The following CCDC192 variants were observed in gnomAD, a reference collection of about 807,000 sequenced individuals.
CCDC192 encodes coiled-coil domain-containing protein 192.
At chr5:127,928,047 C>T (rs1295655829) in intron 6 of CCDC192, among the ~76,000 whole-genome samples, 1 of 151,186 alleles carries the variant, frequency 6.6e-6, no homozygotes, top group East Asian at 2.0e-4. Flanking sequence ...CCTGCCTCAG[C>T]CTCCTGAGTG....
At chr5:127,768,662 A>G (rs1235729198) in intron 3 of CCDC192, among the ~76,000 whole-genome samples, 1 of 152,232 alleles carries the variant, frequency 6.6e-6, no homozygotes. Context: ...TTGGAGGTCT[A>G]TTTTATGTGC....
At chr5:127,836,319 G>A (rs1750034091) in intron 5 of CCDC192, among the ~76,000 whole-genome samples, 1 of 152,206 alleles carries the variant, frequency 6.6e-6, no homozygotes, top group Admixed American at 6.5e-5. Flanking sequence ...GCAGGGTACA[G>A]CTTCCCTGCC....
chr5:127,884,779 G>A (rs1000336212), intron 6 of CCDC192, among the ~76,000 whole-genome samples: 1 of 152,130 alleles, frequency 6.6e-6, no homozygotes, highest in African/African-American at 2.4e-5. Context: ...TATAAACTTG[G>A]AGAAGACAAC....
chr5:127,861,166 G>A (rs577303394), intron 5 of CCDC192, among the ~76,000 whole-genome samples: 2 of 151,776 alleles, frequency 1.3e-5, no homozygotes, highest in Admixed American at 6.6e-5. Flanking sequence ...GTGCCACCAT[G>A]CCCAGCTAAT....
chr5:127,843,501 G>T (rs1046348496), intron 5 of CCDC192, among the ~76,000 whole-genome samples: 1 of 149,728 alleles, frequency 6.7e-6, no homozygotes, highest in Non-Finnish European at 1.5e-5. Flanking sequence ...GCAGTGGTGT[G>T]ATCTTGGCTT....
rs1757209318 is a variant in CCDC192, at chr5:127,797,190, G to A, written c.310G>A (p.Ala104Thr). The change falls in exon 4 of 7, where the codon GCC becomes ACC. Residue 104 changes from alanine (A) to threonine (T), a missense_variant. Coordinates refer to ENST00000514853, the MANE Select transcript of CCDC192 (RefSeq NM_001317938.2). ...ACTGGAGGCTGTGGACCACAAGGAA[G>A]CCAGTGGGGGACCATATGAAAAAAT... ...EKLEAVDHKE[A>T]SGGPYEKMVL... 1 of 398,286 alleles carries A rather than the reference G, an allele frequency of 2.5e-6. No homozygotes were observed. Among genetic ancestry groups the A allele is most frequent in the Non-Finnish European group, 4.4e-6 (1 of 225,640 alleles). 24.7% of individuals were successfully genotyped at this position (398,286 alleles called of 1,614,324 possible).
rs150959095 is a variant in CCDC192 at position 127,740,811 on chromosome 5, A to G, written c.115-13457A>G. ...ATTCTATCACTTTACTCATGAGCTGACTTGAAAGTCCTACAGGCATGTGCG... is the reference window on the plus strand; with the variant it reads ...ATTCTATCACTTTACTCATGAGCTGGCTTGAAAGTCCTACAGGCATGTGCG... On this transcript the variant is annotated intron_variant, in intron 2 of 6. Coordinates refer to ENST00000514853, the MANE Select transcript of CCDC192 (RefSeq NM_001317938.2). Among the ~76,000 whole-genome samples the G allele has an allele frequency of 3.1e-3, 465 of 152,298 alleles. 3 individuals are homozygous for G. Among genetic ancestry groups the G allele is most frequent in the Admixed American group, 6.3e-3 (97 of 15,302 alleles).
chr5:127,735,442 T>G lies in CCDC192; in HGVS notation c.115-18826T>G, dbSNP rs1326422651. Among the ~76,000 whole-genome samples, 19 of 145,942 alleles carry G rather than the reference T, an allele frequency of 1.3e-4. 1 individual carries two copies. Among genetic ancestry groups the G allele is most frequent in the African/African-American group, 5.1e-4 (19 of 37,494 alleles). On this transcript the variant is annotated intron_variant, in intron 2 of 6. Coordinates refer to ENST00000514853, the MANE Select transcript of CCDC192 (RefSeq NM_001317938.2). ...TTTTGGTTCCATATGAACTTTAAAG[T>G]AGTTTTTTCCAATTCTTTGAAGAAA...
At chr5:127,788,257 C>G (rs1289117033) in intron 3 of CCDC192, among the ~76,000 whole-genome samples, 1 of 152,114 alleles carries the variant, frequency 6.6e-6, no homozygotes, top group Non-Finnish European at 1.5e-5. Flanking sequence ...CCACTTTTAT[C>G]AATATGCAAT....
intron 5 of CCDC192, among the ~76,000 whole-genome samples, chr5:127,839,981 A>G (rs1419054773): frequency 5.3e-5 from 8 of 152,234 alleles, no homozygotes; most frequent in Admixed American, 4.6e-4. Flanking sequence ...CAATCTATGT[A>G]AAGTTCTCAG....
intron 2 of CCDC192, among the ~76,000 whole-genome samples, chr5:127,740,867 A>T (rs1319873973): frequency 6.6e-6 from 1 of 152,196 alleles, no homozygotes; most frequent in Non-Finnish European, 1.5e-5. Context: ...CAGTTGGAGA[A>T]TGAAAACATA....
chr5:127,752,930 C>T (rs1194002524), intron 2 of CCDC192, among the ~76,000 whole-genome samples: 1 of 152,226 alleles, frequency 6.6e-6, no homozygotes, highest in Non-Finnish European at 1.5e-5. Context: ...TCCCTGACCC[C>T]TTGCGCTTCC....
intron 2 of CCDC192, among the ~76,000 whole-genome samples, chr5:127,747,194 G>A (rs1027011829): frequency 6.6e-6 from 1 of 151,582 alleles, no homozygotes; most frequent in African/African-American, 2.4e-5. Context: ...CCATGCTGGT[G>A]TGCTGCACCC....
chr5:127,717,861 A>G (rs114284565), intron 2 of CCDC192, among the ~76,000 whole-genome samples: 2,522 of 139,458 alleles, frequency 0.018, 37 homozygotes, highest in African/African-American at 0.041. Flanking sequence ...GTAAAATCAT[A>G]TTATGTGCCT....
At chr5:127,708,923 A>G (rs1751124967) in intron 2 of CCDC192, among the ~76,000 whole-genome samples, 1 of 152,002 alleles carries the variant, frequency 6.6e-6, no homozygotes, top group South Asian at 2.1e-4. Context: ...TTCTCGCACC[A>G]CTATAAAGAG....
At chr5:127,896,137 C>G (rs887516780) in intron 6 of CCDC192, among the ~76,000 whole-genome samples, 2 of 152,106 alleles carry the variant, frequency 1.3e-5, no homozygotes, top group African/African-American at 2.4e-5. Flanking sequence ...ACTTACCCAT[C>G]AGACTAATAC....
chr5:127,875,614 T>A lies in CCDC192; in HGVS notation c.488T>A (p.Leu163His), dbSNP rs1320644418. 1 of 398,534 alleles carries A rather than the reference T, an allele frequency of 2.5e-6. No homozygotes were observed. Among genetic ancestry groups the A allele is most frequent in the Non-Finnish European group, 4.4e-6 (1 of 226,000 alleles). 24.7% of individuals were successfully genotyped at this position (398,534 alleles called of 1,614,324 possible). Reference protein sequence around the residue: ...ATANAITVLELNEKIKTLYEG... With the variant: ...ATANAITVLEHNEKIKTLYEG... ...GCTAATGCCATCACAGTTCTGGAAC[T>A]CAATGAGAAGATAAAGACTCTATAT... Residue 163 changes from leucine to histidine, a missense_variant, in exon 6 of 7, where the codon CTC becomes CAC. Physicochemically the swap from Leu to His is moderately conservative, Grantham distance 99. Coordinates refer to ENST00000514853, the MANE Select transcript of CCDC192 (RefSeq NM_001317938.2).
intron 2 of CCDC192, among the ~76,000 whole-genome samples, chr5:127,738,753 A>C (rs185041376): frequency 6.4e-4 from 97 of 152,256 alleles, no homozygotes; most frequent in African/African-American, 2.3e-3. Context: ...TTCGTCACGT[A>C]GTTCTCGAGC....
chr5:127,919,021 G>T (rs1438414262), intron 6 of CCDC192, among the ~76,000 whole-genome samples: 4 of 151,298 alleles, frequency 2.6e-5, no homozygotes, highest in Non-Finnish European at 4.4e-5. Context: ...ATATGTGTGT[G>T]TATGTGTATA....
Sources: allele counts gnomAD v4.1 joint callset (sites outside exome capture counted in the v4.1 genomes callset), GRCh38; gene constraint gnomAD v4.1.1; transcripts MANE v1.5; gene names NCBI Gene and HGNC (gene_info 2026-07-23, HGNC 2026-07-21).